Variants in TMEM177 observed in about 807,000 individuals in gnomAD.
TMEM177 encodes the protein transmembrane protein 177.
In TMEM177, 4 loss-of-function variants were observed where a neutral mutation model predicts 14.2. The ratio of observed to expected loss-of-function variants is 0.28; its 90% CI spans 0.14 to 0.64. The LOEUF (loss-of-function observed/expected upper bound fraction) is 0.64, where lower values mean the gene tolerates loss of function less well. Among genes scored for constraint, TMEM177 ranks in the 30% least tolerant of loss-of-function variants. The pLI, the probability that TMEM177 is intolerant of heterozygous loss-of-function variation, is 0.82. For missense variants in TMEM177, 344 were observed against 405.2 expected, an observed-to-expected ratio of 0.85 and a Z score of 1.30; for synonymous variants, 179 against 174.5, an observed-to-expected ratio of 1.03 and a Z score of -0.20.
At chr2:119,690,498 C>G (rs951369034), downstream of TMEM177, among the ~76,000 whole-genome samples, 6 of 152,170 alleles carry the variant, frequency 3.9e-5, no homozygotes, top group Admixed American at 6.5e-5. Flanking sequence ...CTCTCCCCAG[C>G]AGGCTGTGAG....
the TMEM177 span, among the ~76,000 whole-genome samples, chr2:119,709,558 A>C: frequency 2.0e-5 from 3 of 152,342 alleles, no homozygotes; most frequent in Admixed American, 2.0e-4. Flanking sequence ...ACAGTGGCTT[A>C]CACCTGTAAT....
downstream of TMEM177, among the ~76,000 whole-genome samples, chr2:119,691,258 T>C (rs1689090006): frequency 1.3e-5 from 2 of 152,178 alleles, no homozygotes; most frequent in Non-Finnish European, 2.9e-5. Context: ...GTGCCTCAGC[T>C]TCCCTCATAT....
the TMEM177 span, chr2:119,699,863 G>A: frequency 2.4e-6 from 1 of 424,840 alleles, no homozygotes; most frequent in South Asian, 1.8e-5. Context: ...TCCAAAAAGA[G>A]TGCTGAGTTT....
the TMEM177 span, among the ~76,000 whole-genome samples, chr2:119,722,271 C>T: frequency 2.0e-5 from 3 of 151,708 alleles, no homozygotes; most frequent in Admixed American, 6.6e-5. Context: ...GTCCCAGTTA[C>T]CTAGGAGGGG....
downstream of TMEM177, chr2:119,685,610 T>A (rs1455446747): frequency 2.8e-6 from 2 of 715,326 alleles, no homozygotes; most frequent in Non-Finnish European, 2.6e-6. Flanking sequence ...TCTCATTTAT[T>A]CCCAATTGGG....
At chr2:119,684,147 T>C (rs1204626874), downstream of TMEM177, among the ~76,000 whole-genome samples, 1 of 152,218 alleles carries the variant, frequency 6.6e-6, no homozygotes, top group Non-Finnish European at 1.5e-5. Context: ...TGTCCCACTT[T>C]CCCTTGCTCT....
At chr2:119,713,969 G>A in the TMEM177 span, among the ~76,000 whole-genome samples, 5 of 152,308 alleles carry the variant, frequency 3.3e-5, no homozygotes, top group South Asian at 2.1e-4. Context: ...GCCATGACCC[G>A]GCCTGCCGCT....
downstream of TMEM177, among the ~76,000 whole-genome samples, chr2:119,684,535 AT>A (rs5833799): frequency 0.75 from 113,412 of 151,684 alleles, 43,566 homozygotes; most frequent in South Asian, 0.84. Context: ...TCTCCATAAT[AT>A]TTATTTTTTG....
At chr2:119,691,996 G>A in the TMEM177 span, among the ~76,000 whole-genome samples, 2 of 152,230 alleles carry the variant, frequency 1.3e-5, no homozygotes, top group Non-Finnish European at 2.9e-5. Flanking sequence ...CCCTGCAGAG[G>A]AAGCACAACC....
chr2:119,689,845 C>G (rs911182145), downstream of TMEM177, among the ~76,000 whole-genome samples: 12 of 152,194 alleles, frequency 7.9e-5, 1 homozygote, highest in Admixed American at 7.2e-4. Context: ...GATTATTATT[C>G]TATAAGGAAT....
the TMEM177 span, among the ~76,000 whole-genome samples, chr2:119,706,456 C>G: frequency 1.3e-5 from 2 of 152,216 alleles, no homozygotes; most frequent in Non-Finnish European, 2.9e-5. Flanking sequence ...GTTCACCCAT[C>G]TGTCAGCATA....
downstream of TMEM177, among the ~76,000 whole-genome samples, chr2:119,688,417 C>T (rs1689049316): frequency 6.6e-6 from 1 of 152,098 alleles, no homozygotes; most frequent in Admixed American, 6.5e-5. Flanking sequence ...TTTGTGTGAA[C>T]ATCATAGTGT....
At chr2:119,711,501 C>T in the TMEM177 span, among the ~76,000 whole-genome samples, 5 of 152,208 alleles carry the variant, frequency 3.3e-5, no homozygotes, top group African/African-American at 1.2e-4. Context: ...CTTCAGAAAG[C>T]AGAAAACGCT....
At chr2:119,697,779 C>T in the TMEM177 span, among the ~76,000 whole-genome samples, 4 of 152,108 alleles carry the variant, frequency 2.6e-5, no homozygotes, top group Non-Finnish European at 5.9e-5. Context: ...GAGGGCTTCC[C>T]CTCCACCCTC....
chr2:119,689,573 C>T (rs182563954), downstream of TMEM177, among the ~76,000 whole-genome samples: 153 of 152,312 alleles, frequency 1.0e-3, 1 homozygote, highest in Non-Finnish European at 2.0e-3. Flanking sequence ...CTATTATCCC[C>T]ATCTTACAGG....
At chr2:119,683,623 G>C (rs985298278), downstream of TMEM177, among the ~76,000 whole-genome samples, 1 of 152,142 alleles carries the variant, frequency 6.6e-6, no homozygotes, top group Admixed American at 6.5e-5. Context: ...CCTCACGATG[G>C]GGAGAAAAGG....
At chr2:119,682,946 C>T (rs1688940770), downstream of TMEM177, among the ~76,000 whole-genome samples, 1 of 152,204 alleles carries the variant, frequency 6.6e-6, no homozygotes, top group Non-Finnish European at 1.5e-5. Flanking sequence ...GTGGATGGAG[C>T]CGGGCCCCTG....
chr2:119,692,515 T>G, the TMEM177 span, among the ~76,000 whole-genome samples: 5 of 152,212 alleles, frequency 3.3e-5, no homozygotes, highest in African/African-American at 1.2e-4. Context: ...TCCACAGAGG[T>G]GGCAGAGTTG....
the TMEM177 span, among the ~76,000 whole-genome samples, chr2:119,692,006 C>T: frequency 2.2e-4 from 34 of 152,304 alleles, 1 homozygote; most frequent in African/African-American, 7.9e-4. Flanking sequence ...GAAGCACAAC[C>T]GATGTCACAG....
Sources: gnomAD v4.1 joint callset for allele counts (sites outside exome capture counted in the v4.1 genomes callset) on GRCh38, gnomAD v4.1.1 for gene constraint, MANE v1.5 for transcripts, NCBI Gene and HGNC (gene_info 2026-07-23, HGNC 2026-07-21) for gene names.